The following SEMA4D variants were observed in gnomAD, a reference collection of about 807,000 sequenced individuals.
The protein encoded by SEMA4D is semaphorin 4D.
A neutral mutation model predicts 74.8 loss-of-function variants in SEMA4D; 22 were observed. The observed-to-expected ratio is 0.29, with a 90% CI of 0.21 to 0.42. SEMA4D has a LOEUF of 0.42. SEMA4D is among the 10% of genes least tolerant of loss of function. The pLI is 1.00. For missense variants in SEMA4D, 937 were observed against 1,118.4 expected, an observed-to-expected ratio of 0.84 and a Z score of 2.31; for synonymous variants, 445 against 463.7, an observed-to-expected ratio of 0.96 and a Z score of 0.52.
intron 1 of SEMA4D, among the ~76,000 whole-genome samples, chr9:89,490,415 T>C (rs1473671162): frequency 6.6e-6 from 1 of 152,276 alleles, no homozygotes; most frequent in Non-Finnish European, 1.5e-5. Flanking sequence ...TTATGATTTT[T>C]TGGCTTTACA....
intron 2 of SEMA4D, among the ~76,000 whole-genome samples, chr9:89,446,352 C>G (rs1852846368): frequency 6.6e-6 from 1 of 152,160 alleles, no homozygotes; most frequent in Non-Finnish European, 1.5e-5. Context: ...ATAAAGTCAC[C>G]CTCTCAGGCT....
chr9:89,372,708 C>CA (rs1835283247), downstream of SEMA4D, among the ~76,000 whole-genome samples: 1 of 152,026 alleles, frequency 6.6e-6, no homozygotes, highest in Non-Finnish European at 1.5e-5. Context: ...GCACGGGCCC[C>CA]AAGGCAGTGC....
chr9:89,377,231 C>A (rs1835935837), downstream of SEMA4D: 1 of 847,368 alleles, frequency 1.2e-6, no homozygotes, highest in Non-Finnish European at 1.7e-6. Flanking sequence ...ATGTCTTCCC[C>A]AAATCAAGGA....
At chr9:89,369,584 A>G (rs1292368937) in intron 16 of SEMA4D, 1 of 135,134 alleles carries the variant, frequency 7.4e-6, no homozygotes, top group African/African-American at 3.0e-5. Context: ...TGTAGACACA[A>G]CCCATCGCCA....
chr9:89,467,691 C>A (rs770923064), intron 1 of SEMA4D, among the ~76,000 whole-genome samples: 1 of 152,052 alleles, frequency 6.6e-6, no homozygotes, highest in South Asian at 2.1e-4. Flanking sequence ...ACCATCACGC[C>A]CAGCTAATTT....
chr9:89,454,669 C>T (rs1158495064), intron 2 of SEMA4D, among the ~76,000 whole-genome samples: 2 of 152,372 alleles, frequency 1.3e-5, no homozygotes, highest in Non-Finnish European at 2.9e-5. Context: ...AGTGTCAAAC[C>T]GCAGTGGGTG....
chr9:89,429,324 C>T (rs1848756394), intron 2 of SEMA4D, among the ~76,000 whole-genome samples: 2 of 152,196 alleles, frequency 1.3e-5, no homozygotes, highest in Admixed American at 1.3e-4. Flanking sequence ...ATCGACATCC[C>T]CATCAGGGTG....
In SEMA4D at chr9:89,384,564, A is replaced by T. The variant is rs1165246176; in HGVS notation, c.1446+1803T>A. On this transcript the variant is annotated intron_variant, in intron 13 of 15. Coordinates refer to ENST00000422704, the MANE Select transcript of SEMA4D (RefSeq NM_001371194.2). ...AAGCACCCTGCAGACAGACAGTGGT[A>T]ATGGCTGCAAAACAACGTGAATGTT... is the stretch of plus-strand genomic sequence containing the variant. 8.7e-6 allele frequency: 6 copies of T among 686,024 alleles called. No individual in the cohort carries two copies. In the African/African-American group the frequency reaches 9.7e-5, roughly 11 times the overall value. 42.5% of individuals were successfully genotyped at this position (686,024 alleles called of 1,614,324 possible).
At position 89,392,403 on chromosome 9, in the gene SEMA4D, G is replaced by A. The variant is rs766416999; in HGVS notation, c.622+20C>T. The A allele has an allele frequency of 6.5e-7, 1 of 1,533,634 alleles. No individual in the cohort carries two copies. The highest frequency in any genetic ancestry group is 9.0e-7 in the Non-Finnish European group (1 of 1,107,206). ...TGAGGAGACACGCACCTCCCACTAAGGTGCACTGCTCTTCCTTACCGTTCA... is the reference window on the plus strand; with the variant it reads ...TGAGGAGACACGCACCTCCCACTAAAGTGCACTGCTCTTCCTTACCGTTCA... On this transcript the variant is annotated intron_variant, in intron 8 of 15. Coordinates refer to ENST00000422704, the MANE Select transcript of SEMA4D (RefSeq NM_001371194.2).
intron 2 of SEMA4D, chr9:89,450,342 T>A (rs1854060014): frequency 1.1e-6 from 1 of 940,288 alleles, no homozygotes; most frequent in South Asian, 1.3e-5. Context: ...AATGAAAACT[T>A]GACATGCCTT....
chr9:89,440,051 T>C (rs949562611), intron 2 of SEMA4D, among the ~76,000 whole-genome samples: 3 of 152,206 alleles, frequency 2.0e-5, no homozygotes, highest in Non-Finnish European at 4.4e-5. Flanking sequence ...CTGCCTGCTC[T>C]TAGTCCCACC....
At chr9:89,460,252 C>T (rs1856901662) in intron 1 of SEMA4D, among the ~76,000 whole-genome samples, 1 of 152,228 alleles carries the variant, frequency 6.6e-6, no homozygotes, top group South Asian at 2.1e-4. Context: ...TTGGGTAAGG[C>T]ATCCTTTGAC....
chr9:89,389,106 T>C, intron 9 of SEMA4D, 59 bp from the exon 10 acceptor site: 1 of 1,583,722 alleles, frequency 6.3e-7, no homozygotes, highest in Non-Finnish European at 8.7e-7. Flanking sequence ...GAGCAAGCAC[T>C]AAGGTCAGAG....
rs897577182 is a variant in SEMA4D at position 89,360,884 on chromosome 9, A to G, written c.*1518T>C. 5 of 152,248 alleles carry G rather than the reference A, an allele frequency of 3.3e-5. No homozygotes were observed. In the South Asian group the frequency reaches 8.3e-4, roughly 25 times the overall value. The allele number at this position is 152,248 out of a possible 1,614,324, so 9.4% of individuals were successfully genotyped here. ...TCCATTTCCCAGTAGAACACTCCACATTACGAAAACTTCAAGTATGTAATT... is the reference window on the plus strand; with the variant it reads ...TCCATTTCCCAGTAGAACACTCCACGTTACGAAAACTTCAAGTATGTAATT... On this transcript the variant is annotated 3_prime_UTR_variant, in exon 19 of 19. Transcript: ENST00000339861.
intron 2 of SEMA4D, among the ~76,000 whole-genome samples, chr9:89,407,799 T>A (rs1231303045): frequency 1.3e-5 from 2 of 152,236 alleles, no homozygotes; most frequent in African/African-American, 4.8e-5. Flanking sequence ...CCCCTCTGCA[T>A]GGCTGTGTAA....
At position 89,387,356 on chromosome 9, in the gene SEMA4D, T is replaced by C. The variant is rs192821721; in HGVS notation, c.1330+30A>G. Reference sequence around the variant, plus strand: ...CCAGAGGACACAGATGTGCTGTCACTGTCAAGCCTGCCAAGCCCTCGGAAC... The same window carrying C: ...CCAGAGGACACAGATGTGCTGTCACCGTCAAGCCTGCCAAGCCCTCGGAAC... On this transcript the variant is annotated intron_variant, in intron 12 of 15. Coordinates refer to ENST00000422704, the MANE Select transcript of SEMA4D (RefSeq NM_001371194.2). 6.5e-4 allele frequency: 1,010 copies of C among 1,564,402 alleles called. 6 individuals are homozygous for C. In the African/African-American group the frequency reaches 0.012, roughly 18 times the overall value.
rs71358578 is a variant in SEMA4D at position 89,450,660 on chromosome 9, GA to G, written c.-244+5227del. On this transcript the variant is annotated intron_variant, in intron 2 of 15. Transcript: ENST00000422704. ...GAGTTCTGCAAGTCGAAAAACCCAG[GA>G]AAAAAAAAAAAAAAAAAAAAAAAAA... The G allele has an allele frequency of 9.6e-4, 413 of 430,104 alleles. 4 individuals are homozygous for G. Among genetic ancestry groups the G allele is most frequent in the East Asian group, 8.8e-3 (83 of 9,474 alleles). 26.6% of individuals were successfully genotyped at this position (430,104 alleles called of 1,614,324 possible). A position where few individuals can be genotyped will look rare whatever the true frequency, so the allele number is the denominator to read the frequency against.
chr9:89,468,936 A>G (rs1432825544), intron 1 of SEMA4D, among the ~76,000 whole-genome samples: 1 of 152,174 alleles, frequency 6.6e-6, no homozygotes, highest in Non-Finnish European at 1.5e-5. Flanking sequence ...CCCAAGGGGT[A>G]CCATGTAATC....
At chr9:89,371,957 G>GT (rs1835005544) in intron 16 of SEMA4D, among the ~76,000 whole-genome samples, 1 of 140,598 alleles carries the variant, frequency 7.1e-6, no homozygotes, top group African/African-American at 2.6e-5. Context: ...TGTGGGGTGT[G>GT]GTGTGTGTGG....
Sources: allele counts gnomAD v4.1 joint callset (sites outside exome capture counted in the v4.1 genomes callset), GRCh38; gene constraint gnomAD v4.1.1; transcripts MANE v1.5; gene names NCBI Gene and HGNC (gene_info 2026-07-23, HGNC 2026-07-21).